The following MMP16 variants were observed in gnomAD, a reference collection of about 807,000 sequenced individuals.
The protein encoded by MMP16 is matrix metalloproteinase-16.
A neutral mutation model predicts 67.8 loss-of-function variants in MMP16; 12 were observed. The ratio of observed to expected loss-of-function variants is 0.18; its 90% CI spans 0.11 to 0.29. The LOEUF (loss-of-function observed/expected upper bound fraction) is 0.29. Among genes scored for constraint, MMP16 ranks in the 10% least tolerant of loss-of-function variants. The pLI is 1.00. For synonymous variants in MMP16, 249 were observed against 255.9 expected (o/e 0.97, Z 0.26); for missense variants, 475 against 765.7 (o/e 0.62, Z 4.48).
At chr8:88,188,205 G>A (rs183737530) in intron 2 of MMP16, among the ~76,000 whole-genome samples, 1 of 152,242 alleles carries the variant, frequency 6.6e-6, no homozygotes, top group African/African-American at 2.4e-5. Flanking sequence ...TCTAGATATT[G>A]ATTTAATTAA....
chr8:88,269,378 A>G (rs1456829648), intron 1 of MMP16, among the ~76,000 whole-genome samples: 2 of 152,138 alleles, frequency 1.3e-5, no homozygotes, highest in East Asian at 3.9e-4. Flanking sequence ...ACACCTTCAC[A>G]GGGCAACCAA....
intron 3 of MMP16, among the ~76,000 whole-genome samples, chr8:88,175,513 T>A (rs1808872932): frequency 6.6e-6 from 1 of 152,218 alleles, no homozygotes; most frequent in African/African-American, 2.4e-5. Flanking sequence ...TACTTAGCTC[T>A]CATTTCTAAC....
intron 1 of MMP16, among the ~76,000 whole-genome samples, chr8:88,311,460 A>G (rs1298981468): frequency 2.0e-5 from 3 of 152,188 alleles, no homozygotes; most frequent in Admixed American, 2.0e-4. Flanking sequence ...GTGAATGCAT[A>G]AGGAGATAGG....
At chr8:88,083,271 G>A (rs561816784) in intron 6 of MMP16, among the ~76,000 whole-genome samples, 1 of 151,528 alleles carries the variant, frequency 6.6e-6, no homozygotes, top group Non-Finnish European at 1.5e-5. Flanking sequence ...AATTTTGTTG[G>A]CTCAAAAGAC....
At chr8:88,209,805 G>C (rs1197978616) in intron 1 of MMP16, among the ~76,000 whole-genome samples, 3 of 152,086 alleles carry the variant, frequency 2.0e-5, no homozygotes, top group Non-Finnish European at 2.9e-5. Flanking sequence ...GCATTTTTAA[G>C]ACCAGATAAT....
intron 1 of MMP16, among the ~76,000 whole-genome samples, chr8:88,266,324 T>C (rs1810476023): frequency 8.1e-6 from 1 of 123,348 alleles, no homozygotes; most frequent in African/African-American, 2.8e-5. Context: ...GTGATCTCCT[T>C]ATTAGTGAGT....
intron 1 of MMP16, among the ~76,000 whole-genome samples, chr8:88,248,463 T>TA (rs1283024116): frequency 1.3e-5 from 2 of 151,788 alleles, no homozygotes; most frequent in East Asian, 3.9e-4. Flanking sequence ...ATGGAAAATG[T>TA]AAAAAAAAGT....
Position 88,229,573 on chromosome 8 carries a change from GAAC to G in MMP16, c.133-32270_133-32268del, listed in dbSNP as rs368045392. ...TTTAATTTGGTTTTTATTTGCAGAA[GAAC>G]AACAGGGACAAAGCAATATTTTAGT... is the stretch of plus-strand genomic sequence containing the variant. On this transcript the variant is annotated intron_variant, in intron 1 of 9. Transcript: ENST00000286614. 3.4e-4 allele frequency among the ~76,000 whole-genome samples: 51 copies of G among 151,936 alleles called. 1 individual carries two copies. Among genetic ancestry groups the G allele is most frequent in the Middle Eastern group, 3.4e-3 (1 of 294 alleles).
Position 88,056,232 on chromosome 8 carries a change from G to A in MMP16, c.1269C>T (p.Tyr423=), listed in dbSNP as rs1357678331. 13 of 1,597,432 alleles carry A rather than the reference G, an allele frequency of 8.1e-6. No homozygotes were observed. The highest frequency in any genetic ancestry group is 1.1e-5 in the Non-Finnish European group (13 of 1,170,082). ...VFKDTTLQPG[Y]PHDLITLGSG... ...TTCCAAGGGTTATCAAGTCATGAGG[G>A]TAACCAGGTTGAAGAGTTGTATCCT... The change falls in exon 8 of 10, where the codon TAC becomes TAT. Residue 423 remains tyrosine (Y), a synonymous_variant. Transcript: ENST00000286614.
At chr8:88,244,997 C>T (rs184517023) in intron 1 of MMP16, among the ~76,000 whole-genome samples, 77 of 152,126 alleles carry the variant, frequency 5.1e-4, no homozygotes, top group African/African-American at 1.7e-3. Context: ...AAATTGAGGT[C>T]GGGTAGGGGC....
intron 4 of MMP16, among the ~76,000 whole-genome samples, chr8:88,145,141 G>A (rs886419980): frequency 1.3e-5 from 2 of 151,872 alleles, no homozygotes; most frequent in South Asian, 2.1e-4. Context: ...AATGTATTAG[G>A]TGATTTTGTC....
chr8:88,281,589 C>G (rs138294230), intron 1 of MMP16, among the ~76,000 whole-genome samples: 92 of 152,276 alleles, frequency 6.0e-4, no homozygotes, highest in African/African-American at 2.2e-3. Context: ...AGTCAGCAAG[C>G]TCTTAAGCAG....
intron 1 of MMP16, among the ~76,000 whole-genome samples, chr8:88,210,365 A>T (rs1048558693): frequency 2.0e-5 from 3 of 152,334 alleles, no homozygotes; most frequent in East Asian, 1.9e-4. Context: ...AGTAGGGTCA[A>T]CACAAACAGC....
At chr8:88,308,735 C>T (rs2130060294) in intron 1 of MMP16, among the ~76,000 whole-genome samples, 1 of 151,946 alleles carries the variant, frequency 6.6e-6, no homozygotes, top group African/African-American at 2.4e-5. Context: ...AGATTTGAAA[C>T]ATAATACAAA....
intron 7 of MMP16, among the ~76,000 whole-genome samples, chr8:88,073,291 G>A (rs1311216743): frequency 6.6e-6 from 1 of 152,186 alleles, no homozygotes; most frequent in Non-Finnish European, 1.5e-5. Context: ...ATTATAGACA[G>A]CAGGAGGGCA....
intron 6 of MMP16, among the ~76,000 whole-genome samples, chr8:88,085,110 G>T (rs1194565906): frequency 3.3e-5 from 5 of 151,838 alleles, no homozygotes; most frequent in Admixed American, 1.3e-4. Context: ...ACTAAATTTT[G>T]TTCTCAGGTT....
rs61606557 is a variant in MMP16, at chr8:88,184,746, C to CAAAAAAAAAAAA, written c.404+1718_404+1729dup. Among the ~76,000 whole-genome samples, 117 of 47,476 alleles carry CAAAAAAAAAAAA rather than the reference C, an allele frequency of 2.5e-3. 4 individuals carry two copies. Among genetic ancestry groups the CAAAAAAAAAAAA allele is most frequent in the African/African-American group, 8.7e-3 (91 of 10,418 alleles). 31.1% of individuals were successfully genotyped at this position (47,476 alleles called of 152,430 possible). A position where few individuals can be genotyped will look rare whatever the true frequency, so the allele number is the denominator to read the frequency against. On this transcript the variant is annotated intron_variant, in intron 3 of 9. Coordinates refer to ENST00000286614, the MANE Select transcript of MMP16 (RefSeq NM_005941.5). ...TGAGCGACAGAGTGAGGCCCTGTCT[C>CAAAAAAAAAAAA]AAAAAAAAAAAAAAAAAAAAAAAAA...
intron 4 of MMP16, among the ~76,000 whole-genome samples, chr8:88,142,539 C>T (rs1398630242): frequency 2.6e-5 from 4 of 151,760 alleles, no homozygotes; most frequent in Non-Finnish European, 4.4e-5. Flanking sequence ...TAATAATTTT[C>T]TAACTTCCAG....
At chr8:88,327,016 A>C in intron 1 of MMP16, 59 bp downstream of exon 1, 1 of 1,606,824 alleles carries the variant, frequency 6.2e-7, no homozygotes, top group South Asian at 1.1e-5. Context: ...GGAGTGAAGG[A>C]AATGTTTCAG....
Sources: gnomAD v4.1 joint callset for allele counts (sites outside exome capture counted in the v4.1 genomes callset) on GRCh38, gnomAD v4.1.1 for gene constraint, MANE v1.5 for transcripts, NCBI Gene and HGNC (gene_info 2026-07-23, HGNC 2026-07-21) for gene names.